LRRC8D: variants seen among roughly 807,000 people sequenced by gnomAD.
LRRC8D encodes the protein leucine rich repeat containing 8 VRAC subunit D, also known as volume-regulated anion channel subunit LRRC8D.
In LRRC8D, 20 loss-of-function variants were observed where a neutral mutation model predicts 55.8. That is an observed-to-expected ratio of 0.36 (90% CI 0.25 to 0.52). LRRC8D has a LOEUF of 0.52. Among genes scored for constraint, LRRC8D ranks in the 20% least tolerant of loss-of-function variants. The probability of loss-of-function intolerance (pLI) is 0.93; values close to 1 mark genes in which losing one functional copy is unlikely to be tolerated. For synonymous variants in LRRC8D, 352 were observed against 377.0 expected (o/e 0.93, Z 0.77); for missense variants, 651 against 1,030.8 (o/e 0.63, Z 5.05).
chr1:89,835,585 C>G (rs539313399), intron 1 of LRRC8D, among the ~76,000 whole-genome samples: 6 of 152,260 alleles, frequency 3.9e-5, no homozygotes, highest in Non-Finnish European at 4.4e-5. Flanking sequence ...GTGGGCTGTA[C>G]CTGTCTTCAA....
chr1:89,830,393 T>C (rs1443886991), intron 1 of LRRC8D, among the ~76,000 whole-genome samples: 1 of 152,208 alleles, frequency 6.6e-6, no homozygotes, highest in Non-Finnish European at 1.5e-5. Flanking sequence ...TTAGCTCTCT[T>C]AAGATATTTT....
chr1:89,865,727 C>T (rs976746589), intron 2 of LRRC8D, among the ~76,000 whole-genome samples: 1 of 152,152 alleles, frequency 6.6e-6, no homozygotes, highest in African/African-American at 2.4e-5. Flanking sequence ...TAATGACTTA[C>T]AACTTTTTTG....
chr1:89,830,951 G>C (rs1047583277), intron 1 of LRRC8D, among the ~76,000 whole-genome samples: 3 of 149,526 alleles, frequency 2.0e-5, no homozygotes, highest in African/African-American at 7.4e-5. Context: ...TGTGGCCCAG[G>C]CTGGAGTGCA....
Position 89,903,363 on chromosome 1 carries a change from A to T in LRRC8D, c.-2-29704A>T, listed in dbSNP as rs371726247. 2.0e-5 allele frequency among the ~76,000 whole-genome samples: 3 copies of T among 152,338 alleles called. No homozygotes were observed. The East Asian group carries it at 5.8e-4, about 29-fold the overall frequency. ...GAAAATGCTTCACCTTTAATATATT[A>T]GGTTATATCTCTTCTCTGTAACGGC... On this transcript the variant is annotated intron_variant, in intron 2 of 2. Transcript: ENST00000337338.
chr1:89,871,474 T>G (rs1287814199), intron 2 of LRRC8D, among the ~76,000 whole-genome samples: 1 of 152,222 alleles, frequency 6.6e-6, no homozygotes, highest in African/African-American at 2.4e-5. Context: ...AAATATACAT[T>G]CATTTTATAT....
chr1:89,889,548 A>G (rs186361100), intron 2 of LRRC8D, among the ~76,000 whole-genome samples: 1 of 151,782 alleles, frequency 6.6e-6, no homozygotes, highest in African/African-American at 2.4e-5. Flanking sequence ...AATTTCCTCT[A>G]AATCTAAAAC....
chr1:89,889,668 A>C (rs1049476713), intron 2 of LRRC8D, among the ~76,000 whole-genome samples: 69 of 149,666 alleles, frequency 4.6e-4, no homozygotes, highest in Non-Finnish European at 8.0e-4. Context: ...GATCACTTGA[A>C]GTCAGGGGTT....
intron 2 of LRRC8D, among the ~76,000 whole-genome samples, chr1:89,910,206 A>G (rs1453373897): frequency 1.3e-5 from 2 of 152,230 alleles, no homozygotes; most frequent in African/African-American, 4.8e-5. Context: ...CTTTGAGACT[A>G]TGACACTTAC....
At chr1:89,856,551 C>T (rs1328544833) in intron 2 of LRRC8D, among the ~76,000 whole-genome samples, 1 of 152,106 alleles carries the variant, frequency 6.6e-6, no homozygotes, top group African/African-American at 2.4e-5. Flanking sequence ...TTCTGTATTC[C>T]TCAAATGTTG....
chr1:89,831,077 T>G (rs1231051410), intron 1 of LRRC8D, among the ~76,000 whole-genome samples: 1 of 151,924 alleles, frequency 6.6e-6, no homozygotes, highest in African/African-American at 2.4e-5. Context: ...AGCTAATCTT[T>G]GTATTTTTAG....
At chr1:89,866,888 T>TAA (rs200890415) in intron 2 of LRRC8D, among the ~76,000 whole-genome samples, 1,891 of 152,308 alleles carry the variant, frequency 0.012, 25 homozygotes, top group Non-Finnish European at 0.017. Flanking sequence ...GATAGATACT[T>TAA]ACACTTAACA....
intron 2 of LRRC8D, among the ~76,000 whole-genome samples, chr1:89,864,797 C>T (rs1661801509): frequency 6.6e-6 from 1 of 152,236 alleles, no homozygotes; most frequent in South Asian, 2.1e-4. Flanking sequence ...CTTTACCTAC[C>T]CCCGACCCCT....
chr1:89,894,364 C>T (rs1662654648), intron 2 of LRRC8D, among the ~76,000 whole-genome samples: 1 of 152,212 alleles, frequency 6.6e-6, no homozygotes. Flanking sequence ...GAGCCGAGCA[C>T]ATAGCATTCT....
intron 1 of LRRC8D, among the ~76,000 whole-genome samples, chr1:89,840,197 A>G (rs928494331): frequency 1.3e-5 from 2 of 151,478 alleles, no homozygotes; most frequent in Non-Finnish European, 2.9e-5. Flanking sequence ...TTTAATATAT[A>G]TACATACACG....
rs76747892 is a variant in LRRC8D, at chr1:89,933,015, C to T, written c.-2-52C>T. ...GCAGGCATAGGGTTTTTCTCATTTA[C>T]TCTTTTCATTTGCATCTCTAGAATA... On this transcript the variant is annotated intron_variant, in intron 2 of 2. Transcript: ENST00000337338. This position sits in a 1 kb window ranked among gnomAD's most constrained non-coding sequence, Gnocchi z 7.0. The T allele has an allele frequency of 3.7e-3, 5,641 of 1,521,096 alleles. 13 individuals carry two copies. The highest frequency in any genetic ancestry group is 4.7e-3 in the Non-Finnish European group (5,255 of 1,119,618). The allele number at this position is 1,521,096 out of a possible 1,614,324, so 94.2% of individuals were successfully genotyped here.
chr1:89,887,971 G>A (rs981871941), intron 2 of LRRC8D, among the ~76,000 whole-genome samples: 1 of 152,162 alleles, frequency 6.6e-6, no homozygotes, highest in Non-Finnish European at 1.5e-5. Context: ...GGAGAAAACA[G>A]AAAAGATGTA....
chr1:89,838,623 T>G (rs1661060195), intron 1 of LRRC8D, among the ~76,000 whole-genome samples: 2 of 152,188 alleles, frequency 1.3e-5, no homozygotes, highest in African/African-American at 4.8e-5. Context: ...GTATTTGCAT[T>G]TAGTCAGAAT....
intron 1 of LRRC8D, among the ~76,000 whole-genome samples, chr1:89,829,978 T>C: frequency 6.6e-6 from 1 of 152,196 alleles, no homozygotes; most frequent in South Asian, 2.1e-4. Context: ...ATACCTAATA[T>C]TTGCTAAGGT....
intron 2 of LRRC8D, among the ~76,000 whole-genome samples, chr1:89,860,734 G>GA (rs1661682150): frequency 1.0e-5 from 1 of 99,596 alleles, no homozygotes. Flanking sequence ...CTCCAGCCTG[G>GA]CAACAGAGCA....
Sources: allele counts gnomAD v4.1 joint callset (sites outside exome capture counted in the v4.1 genomes callset), GRCh38; gene constraint gnomAD v4.1.1; non-coding constraint Gnocchi (gnomAD v3.1); transcripts MANE v1.5; gene names NCBI Gene and HGNC (gene_info 2026-07-23, HGNC 2026-07-21).